Variants in TNIK observed in about 807,000 individuals in gnomAD.
The protein encoded by TNIK is TRAF2 and NCK-interacting protein kinase.
In TNIK, 49 loss-of-function variants were observed where a neutral mutation model predicts 191.3. The observed-to-expected ratio is 0.26, with a 90% CI of 0.20 to 0.32. TNIK has a LOEUF of 0.32. Ranked by LOEUF, TNIK falls within the 10% of genes least tolerant of loss-of-function variation. The pLI, the probability that TNIK is intolerant of heterozygous loss-of-function variation, is 1.00. For synonymous variants in TNIK, 594 were observed against 600.9 expected (o/e 0.99, Z 0.17); for missense variants, 1,155 against 1,702.3 (o/e 0.68, Z 5.66).
chr3:171,333,753 A>C (rs1156810044), intron 2 of TNIK, among the ~76,000 whole-genome samples: 1 of 152,140 alleles, frequency 6.6e-6, no homozygotes, highest in African/African-American at 2.4e-5. Flanking sequence ...TCCTACTACA[A>C]GGTCTTTCAA....
intron 5 of TNIK, among the ~76,000 whole-genome samples, chr3:171,193,105 AC>A (rs572696575): frequency 3.4e-4 from 52 of 152,226 alleles, no homozygotes; most frequent in Non-Finnish European, 6.3e-4. Context: ...TTTGACACAG[AC>A]CAGGTATCAT....
chr3:171,208,621 T>C (rs1740404540), intron 4 of TNIK, among the ~76,000 whole-genome samples: 1 of 152,060 alleles, frequency 6.6e-6, no homozygotes, highest in East Asian at 2.0e-4. Context: ...GCAGTGACAC[T>C]ATCTCGGCTT....
intron 1 of TNIK, among the ~76,000 whole-genome samples, chr3:171,409,649 A>G (rs1029863084): frequency 3.3e-5 from 5 of 151,282 alleles, no homozygotes; most frequent in South Asian, 2.1e-4. Context: ...TGTTGAGATG[A>G]TGAGTTTGGG....
At chr3:171,104,621 G>A (rs550091571) in intron 21 of TNIK, among the ~76,000 whole-genome samples, 2 of 151,906 alleles carry the variant, frequency 1.3e-5, no homozygotes, top group East Asian at 1.9e-4. Flanking sequence ...CTAAAAAGGC[G>A]CTCTTTTAGG....
intron 1 of TNIK, among the ~76,000 whole-genome samples, chr3:171,403,437 A>G (rs779032906): frequency 2.0e-5 from 3 of 152,120 alleles, no homozygotes; most frequent in Non-Finnish European, 4.4e-5. Context: ...TAACATGGTG[A>G]AACCCCGTCT....
Position 171,138,305 on chromosome 3 carries a change from G to A in TNIK, c.1494C>T (p.Asp498=), listed in dbSNP as rs781023179. 4 of 1,613,184 alleles carry A rather than the reference G, an allele frequency of 2.5e-6. No homozygotes were observed. The Admixed American group carries it at 6.7e-5, about 27-fold the overall frequency. Reference sequence around the variant, plus strand: ...GCTGATGCTGAAGGGAAACTAAGTAGTCTCTTTCTTGCTTTAGCTGCCTCT... The same window carrying A: ...GCTGATGCTGAAGGGAAACTAAGTAATCTCTTTCTTGCTTTAGCTGCCTCT... ...RLQRQLKQER[D]YLVSLQHQRQ... is the part of the protein sequence containing the mutation. Residue 498 remains aspartate (D), a synonymous_variant, in exon 15 of 33, where the codon GAC becomes GAT. Coordinates refer to ENST00000436636, the MANE Select transcript of TNIK (RefSeq NM_015028.4).
At chr3:171,383,662 G>A (rs755567196) in intron 1 of TNIK, among the ~76,000 whole-genome samples, 5 of 152,210 alleles carry the variant, frequency 3.3e-5, no homozygotes, top group Non-Finnish European at 5.9e-5. Flanking sequence ...ATTTGGAAAG[G>A]GAGGAAAAAG....
At chr3:171,072,199 C>T (rs1339983557) in intron 28 of TNIK, among the ~76,000 whole-genome samples, 1 of 152,118 alleles carries the variant, frequency 6.6e-6, no homozygotes, top group Non-Finnish European at 1.5e-5. Context: ...TCGTAATCCA[C>T]AGTTGGTACA....
In TNIK at chr3:171,460,201, C is replaced by G; in HGVS notation, c.-138G>C. 6 of 1,102,440 alleles carry G rather than the reference C, an allele frequency of 5.4e-6. No individual in the cohort carries two copies. Among genetic ancestry groups the G allele is most frequent in the Non-Finnish European group, 7.8e-6 (6 of 765,006 alleles). The allele number at this position is 1,102,440 out of a possible 1,614,324, so 68.3% of individuals were successfully genotyped here. ...CCGGGCCCAGCCTCCCCCGCCCACCCCAGCCCCACAGCGCCGGATCCCGAT... is the reference window on the plus strand; with the variant it reads ...CCGGGCCCAGCCTCCCCCGCCCACCGCAGCCCCACAGCGCCGGATCCCGAT... On this transcript the variant is annotated 5_prime_UTR_variant, in exon 1 of 33. Coordinates refer to ENST00000436636, the MANE Select transcript of TNIK (RefSeq NM_015028.4). This position sits in a 1 kb window ranked among gnomAD's most constrained non-coding sequence, Gnocchi z 6.8.
At chr3:171,117,969 C>CA (rs1040627885) in intron 18 of TNIK, among the ~76,000 whole-genome samples, 8 of 150,682 alleles carry the variant, frequency 5.3e-5, no homozygotes, top group Admixed American at 1.3e-4. Flanking sequence ...GACTCCGTCT[C>CA]AAAAAAAAAT....
At chr3:171,221,264 A>G (rs1416514185) in intron 3 of TNIK, among the ~76,000 whole-genome samples, 1 of 152,200 alleles carries the variant, frequency 6.6e-6, no homozygotes, top group African/African-American at 2.4e-5. Flanking sequence ...GCTCCAAAGT[A>G]AAAGTCCCAA....
intron 4 of TNIK, among the ~76,000 whole-genome samples, chr3:171,200,074 T>C (rs1006923172): frequency 1.3e-5 from 2 of 152,226 alleles, no homozygotes; most frequent in African/African-American, 4.8e-5. Flanking sequence ...TTTACATTTG[T>C]ACCACACAGC....
At chr3:171,077,110 C>A (rs1720069856) in intron 28 of TNIK, among the ~76,000 whole-genome samples, 2 of 113,804 alleles carry the variant, frequency 1.8e-5, no homozygotes, top group South Asian at 6.4e-4. Context: ...TTCTATGTAT[C>A]TCTCTCTAAG....
chr3:171,322,536 T>G (rs79309160), intron 2 of TNIK, among the ~76,000 whole-genome samples: 6 of 152,162 alleles, frequency 3.9e-5, no homozygotes, highest in African/African-American at 1.4e-4. Flanking sequence ...AAAAAATAAC[T>G]GGGACCATAC....
At chr3:171,386,938 C>A (rs1718812865) in intron 1 of TNIK, among the ~76,000 whole-genome samples, 1 of 152,114 alleles carries the variant, frequency 6.6e-6, no homozygotes, top group African/African-American at 2.4e-5. Flanking sequence ...ATTGTCTTAC[C>A]TTTCAGCAAT....
intron 2 of TNIK, among the ~76,000 whole-genome samples, chr3:171,349,336 A>C (rs1274364394): frequency 1.3e-5 from 2 of 152,192 alleles, no homozygotes; most frequent in Non-Finnish European, 2.9e-5. Flanking sequence ...GTTGGTACAA[A>C]GCACCTCCTT....
chr3:171,237,100 C>T (rs1401628521), intron 2 of TNIK, among the ~76,000 whole-genome samples: 1 of 152,158 alleles, frequency 6.6e-6, no homozygotes, highest in Admixed American at 6.5e-5. Context: ...AGAAAAAGGA[C>T]CACACTGGTG....
intron 1 of TNIK, among the ~76,000 whole-genome samples, chr3:171,433,258 T>A (rs1212851134): frequency 6.6e-6 from 1 of 152,172 alleles, no homozygotes; most frequent in African/African-American, 2.4e-5. Flanking sequence ...CATTTATGGC[T>A]GTAAAACCAA....
At chr3:171,203,084 T>G (rs1465227301) in intron 4 of TNIK, among the ~76,000 whole-genome samples, 1 of 152,210 alleles carries the variant, frequency 6.6e-6, no homozygotes, top group Non-Finnish European at 1.5e-5. Flanking sequence ...GTTAATTTTT[T>G]TTTTTTCCTA....
Sources: gnomAD v4.1 joint callset for allele counts (sites outside exome capture counted in the v4.1 genomes callset) on GRCh38, gnomAD v4.1.1 for gene constraint, Gnocchi (gnomAD v3.1) non-coding constraint, MANE v1.5 for transcripts, NCBI Gene and HGNC (gene_info 2026-07-23, HGNC 2026-07-21) for gene names.